The following MARCHF1 variants were observed in gnomAD, a reference collection of about 807,000 sequenced individuals.
The protein encoded by MARCHF1 is E3 ubiquitin-protein ligase MARCHF1.
Under a neutral mutation model 54.2 loss-of-function variants are expected in MARCHF1, and 40 were observed. The observed-to-expected ratio is 0.74, with a 90% confidence interval of 0.57 to 0.96. The LOEUF (loss-of-function observed/expected upper bound fraction) is 0.96, where lower values mean the gene tolerates loss of function less well. MARCHF1 is among the 40% of genes least tolerant of loss of function. MARCHF1 has a pLI of 0.00. For missense variants in MARCHF1, 586 were observed against 656.5 expected (o/e 0.89, Z 1.17); for synonymous variants, 236 against 236.3 (o/e 1.00, Z 0.01).
intron 3 of MARCHF1, among the ~76,000 whole-genome samples, chr4:163,959,260 T>C (rs1222580393): frequency 6.6e-6 from 1 of 151,452 alleles, no homozygotes; most frequent in African/African-American, 2.4e-5. Flanking sequence ...GGTTGCAATT[T>C]TAAAATTCAT....
intron 7 of MARCHF1, among the ~76,000 whole-genome samples, chr4:163,589,266 T>A (rs565485770): frequency 6.6e-6 from 1 of 152,250 alleles, no homozygotes; most frequent in Non-Finnish European, 1.5e-5. Flanking sequence ...CCTGACCAGT[T>A]TACTATCGTC....
intron 2 of MARCHF1, among the ~76,000 whole-genome samples, chr4:163,989,993 G>A (rs1292696982): frequency 1.3e-5 from 2 of 151,934 alleles, no homozygotes; most frequent in African/African-American, 2.4e-5. Flanking sequence ...ACCTGTCTTT[G>A]TATTATACAG....
intron 2 of MARCHF1, among the ~76,000 whole-genome samples, chr4:164,109,932 A>G (rs1755798312): frequency 6.7e-6 from 1 of 150,044 alleles, no homozygotes; most frequent in South Asian, 2.1e-4. Flanking sequence ...AAAAAAAAAA[A>G]AAAAGAAAAT....
intron 5 of MARCHF1, among the ~76,000 whole-genome samples, chr4:163,678,387 A>T (rs1579186896): frequency 6.6e-6 from 1 of 152,180 alleles, no homozygotes; most frequent in Non-Finnish European, 1.5e-5. Flanking sequence ...TCATTAGAGG[A>T]GCACTTTAAA....
At position 163,864,323 on chromosome 4, in the gene MARCHF1, G is replaced by GA. The variant is rs58680551; in HGVS notation, c.-38-10155dup. 6.3e-3 allele frequency among the ~76,000 whole-genome samples: 933 copies of GA among 147,482 alleles called. 25 individuals are homozygous for GA. The highest frequency in any genetic ancestry group is 0.044 in the Admixed American group (644 of 14,720). ...ACACATAACTCCAGTCTAATCATCAGAAAAAAAAAATCAGAACAATCTCAA... is the reference window on the plus strand; with the variant it reads ...ACACATAACTCCAGTCTAATCATCAGAAAAAAAAAAATCAGAACAATCTCAA... On this transcript the variant is annotated intron_variant, in intron 3 of 9. Transcript: ENST00000514618.
intron 1 of MARCHF1, among the ~76,000 whole-genome samples, chr4:164,174,413 A>G (rs2110986856): frequency 6.6e-6 from 1 of 152,318 alleles, no homozygotes; most frequent in Admixed American, 6.5e-5. Context: ...AAAATTATTT[A>G]TTAAGCACTG....
Position 164,369,648 on chromosome 4 carries a change from T to C in MARCHF1, c.-323+14222A>G, listed in dbSNP as rs572637594. Among the ~76,000 whole-genome samples the C allele has an allele frequency of 1.7e-4, 26 of 152,314 alleles. 1 individual carries two copies. Among genetic ancestry groups the C allele is most frequent in the African/African-American group, 6.0e-4 (25 of 41,572 alleles). Reference sequence around the variant, plus strand: ...TAATGTATGTAATTATATATGTACTTACGTACTATAATGTACCTATAATGT... The same window carrying C: ...TAATGTATGTAATTATATATGTACTCACGTACTATAATGTACCTATAATGT... On this transcript the variant is annotated intron_variant, in intron 1 of 9. Coordinates refer to ENST00000514618, the MANE Select transcript of MARCHF1 (RefSeq NM_001394959.1).
rs188956800 is a variant in MARCHF1, at chr4:163,852,155, C to G, written c.111+1866G>C. Reference sequence around the variant, plus strand: ...AGATTATGAGGTGTAGTAGAAAAAGCATTGTTTTGAGAAGTCCCATTCCTA... The same window carrying G: ...AGATTATGAGGTGTAGTAGAAAAAGGATTGTTTTGAGAAGTCCCATTCCTA... On this transcript the variant is annotated intron_variant, in intron 4 of 9. Coordinates refer to ENST00000514618, the MANE Select transcript of MARCHF1 (RefSeq NM_001394959.1). Among the ~76,000 whole-genome samples the G allele has an allele frequency of 5.2e-3, 787 of 152,034 alleles. 3 individuals carry two copies. Among genetic ancestry groups the G allele is most frequent in the Non-Finnish European group, 6.6e-3 (450 of 67,980 alleles).
chr4:163,584,107 G>C lies in MARCHF1; in HGVS notation c.1191+1642C>G, dbSNP rs1028929801. The C allele has an allele frequency of 3.3e-5, 5 of 150,056 alleles. No individual in the cohort carries two copies. In the Admixed American group the frequency reaches 3.4e-4, roughly 10 times the overall value. The allele number at this position is 150,056 out of a possible 1,614,324, so 9.3% of individuals were successfully genotyped here. ...CAAAGGATGAAAGTTGTATTGACAG[G>C]GTATACTAGATACTACAAAAGCTGG... On this transcript the variant is annotated intron_variant, in intron 8 of 9. Coordinates refer to ENST00000514618, the MANE Select transcript of MARCHF1 (RefSeq NM_001394959.1).
intron 5 of MARCHF1, among the ~76,000 whole-genome samples, chr4:163,627,141 T>C (rs1741900610): frequency 6.6e-6 from 1 of 152,220 alleles, no homozygotes; most frequent in Non-Finnish European, 1.5e-5. Context: ...AATTATACTA[T>C]TATCTCATTT....
At chr4:164,057,627 C>A (rs916259277) in intron 2 of MARCHF1, among the ~76,000 whole-genome samples, 9 of 152,158 alleles carry the variant, frequency 5.9e-5, no homozygotes, top group Middle Eastern at 3.4e-3. Flanking sequence ...CATGAAGCAA[C>A]TATATTGGGT....
At chr4:164,324,447 G>A (rs1735220892) in intron 1 of MARCHF1, among the ~76,000 whole-genome samples, 1 of 151,482 alleles carries the variant, frequency 6.6e-6, no homozygotes, top group South Asian at 2.1e-4. Flanking sequence ...AAAATTGTCT[G>A]TATAAATCAC....
At chr4:164,009,246 C>T (rs549991208) in intron 2 of MARCHF1, among the ~76,000 whole-genome samples, 96 of 151,960 alleles carry the variant, frequency 6.3e-4, no homozygotes, top group African/African-American at 2.3e-3. Context: ...AGATTGAACC[C>T]TGAAAAAAGA....
At chr4:163,932,668 C>A in intron 3 of MARCHF1, 2 of 486,828 alleles carry the variant, frequency 4.1e-6, no homozygotes, top group South Asian at 1.7e-5. Context: ...TACATGAGTG[C>A]GGTTGGGGGC....
chr4:164,149,579 G>A (rs979768467), intron 1 of MARCHF1, among the ~76,000 whole-genome samples: 4 of 152,132 alleles, frequency 2.6e-5, no homozygotes, highest in Non-Finnish European at 5.9e-5. Context: ...TTTATTAAAC[G>A]TTGTCTTTGT....
chr4:163,954,263 T>A (rs946803380), intron 3 of MARCHF1, among the ~76,000 whole-genome samples: 3 of 152,164 alleles, frequency 2.0e-5, no homozygotes, highest in Non-Finnish European at 2.9e-5. Context: ...AAATTCAGAG[T>A]TTGAAAAAGT....
intron 2 of MARCHF1, among the ~76,000 whole-genome samples, chr4:164,031,984 C>CT: frequency 1.3e-5 from 2 of 152,008 alleles, no homozygotes; most frequent in South Asian, 4.1e-4. Context: ...GGTTGGTAGG[C>CT]TATTTAGTTG....
intron 5 of MARCHF1, among the ~76,000 whole-genome samples, chr4:163,621,334 C>T (rs574583344): frequency 1.2e-4 from 18 of 152,126 alleles, no homozygotes; most frequent in Admixed American, 1.0e-3. Flanking sequence ...ATACCTTTGC[C>T]CAGGTTGATG....
At chr4:163,644,062 A>G (rs116499368) in intron 5 of MARCHF1, among the ~76,000 whole-genome samples, 2,678 of 152,200 alleles carry the variant, frequency 0.018, 54 homozygotes, top group African/African-American at 0.056. Context: ...TTTAAATTAT[A>G]AAATTAATAA....
Sources: gnomAD v4.1 joint callset for allele counts (sites outside exome capture counted in the v4.1 genomes callset) on GRCh38, gnomAD v4.1.1 for gene constraint, MANE v1.5 for transcripts, NCBI Gene and HGNC (gene_info 2026-07-23, HGNC 2026-07-21) for gene names.